RERE: variants seen among roughly 807,000 people sequenced by gnomAD.
The protein encoded by RERE is arginine-glutamic acid dipeptide repeats, also known as arginine-glutamic acid dipeptide repeats protein.
RERE carries 40 observed loss-of-function variants against 146.1 expected under a neutral mutation model. The ratio of observed to expected loss-of-function variants is 0.27; its 90% confidence interval spans 0.21 to 0.36. The LOEUF (loss-of-function observed/expected upper bound fraction) is 0.36. Among genes scored for constraint, RERE ranks in the 10% least tolerant of loss-of-function variants. The pLI, the probability that RERE is intolerant of heterozygous loss-of-function variation, is 1.00. For missense variants in RERE, 1,933 were observed against 2,138.7 expected, an observed-to-expected ratio of 0.90 and a Z score of 1.90; for synonymous variants, 1,003 against 866.0, an observed-to-expected ratio of 1.16 and a Z score of -2.78.
chr1:8,412,486 C>T (rs1643641509), intron 12 of RERE, among the ~76,000 whole-genome samples: 1 of 152,230 alleles, frequency 6.6e-6, no homozygotes, highest in African/African-American at 2.4e-5. Context: ...TGGCTCTCAC[C>T]TCCAGTACAC....
At chr1:8,432,617 C>T (rs1016497264) in intron 11 of RERE, among the ~76,000 whole-genome samples, 4 of 152,306 alleles carry the variant, frequency 2.6e-5, no homozygotes, top group Admixed American at 1.3e-4. Context: ...AGATCTTCCA[C>T]CAAATTGTGG....
At chr1:8,545,858 T>C (rs1645853564) in intron 6 of RERE, among the ~76,000 whole-genome samples, 2 of 149,802 alleles carry the variant, frequency 1.3e-5, no homozygotes, top group Non-Finnish European at 3.0e-5. Flanking sequence ...TAACTTTTTA[T>C]ATTTTTAGTA....
chr1:8,601,697 TGA>T (rs1231725588), intron 4 of RERE, among the ~76,000 whole-genome samples: 1 of 122,658 alleles, frequency 8.2e-6, no homozygotes, highest in Non-Finnish European at 1.6e-5. Flanking sequence ...TCCTTTGGAT[TGA>T]GATACCTTAA....
chr1:8,659,029 A>G (rs888748608), intron 1 of RERE, among the ~76,000 whole-genome samples: 24 of 152,246 alleles, frequency 1.6e-4, no homozygotes, highest in African/African-American at 5.8e-4. Flanking sequence ...ACTTCCTTCT[A>G]TGTAAGAAAC....
intron 12 of RERE, among the ~76,000 whole-genome samples, chr1:8,395,963 G>A (rs936574010): frequency 3.3e-5 from 5 of 152,148 alleles, no homozygotes; most frequent in Non-Finnish European, 7.4e-5. Flanking sequence ...GTAAGGCATA[G>A]GTGACACCAC....
At chr1:8,564,814 ATG>A (rs1375952179) in intron 4 of RERE, among the ~76,000 whole-genome samples, 14 of 100,168 alleles carry the variant, frequency 1.4e-4, no homozygotes, top group Non-Finnish European at 2.9e-4. Context: ...GTGTGTATGT[ATG>A]TGTGTGTATA....
At chr1:8,688,822 G>A (rs991548910) in intron 1 of RERE, among the ~76,000 whole-genome samples, 1 of 152,194 alleles carries the variant, frequency 6.6e-6, no homozygotes, top group Non-Finnish European at 1.5e-5. Context: ...GTAGGCTAAT[G>A]CAAGTGTTCT....
rs34435165 is a variant in RERE at position 8,797,376 on chromosome 1, T to TA, written c.-145+19783dup. Among the ~76,000 whole-genome samples, 927 of 146,726 alleles carry TA rather than the reference T, an allele frequency of 6.3e-3. 9 individuals are homozygous for TA. The highest frequency in any genetic ancestry group is 0.045 in the South Asian group (210 of 4,646). ...CTAGGTGACAGAGTAAGACTCCGCC[T>TA]AAAAAAAAAAAAAATCAGCATGAAT... On this transcript the variant is annotated intron_variant, in intron 1 of 22. Coordinates refer to ENST00000400908, the MANE Select transcript of RERE (RefSeq NM_001042681.2).
chr1:8,746,767 C>T (rs1640428657), intron 1 of RERE, among the ~76,000 whole-genome samples: 1 of 143,198 alleles, frequency 7.0e-6, no homozygotes, highest in Non-Finnish European at 1.5e-5. Context: ...GCAAGAAGGC[C>T]TGTGTGGCTG....
intron 6 of RERE, among the ~76,000 whole-genome samples, chr1:8,544,869 AG>A (rs1645839589): frequency 6.6e-6 from 1 of 152,242 alleles, no homozygotes; most frequent in Non-Finnish European, 1.5e-5. Context: ...GCAGAGCTGA[AG>A]AAAGGGTTTC....
intron 10 of RERE, among the ~76,000 whole-genome samples, chr1:8,487,365 G>T (rs1162968814): frequency 6.6e-6 from 1 of 152,014 alleles, no homozygotes; most frequent in South Asian, 2.1e-4. Context: ...GATCACTTGG[G>T]CCCAGGAGTT....
At chr1:8,362,289 T>C (rs1230282717) in intron 16 of RERE, among the ~76,000 whole-genome samples, 1 of 152,200 alleles carries the variant, frequency 6.6e-6, no homozygotes, top group Non-Finnish European at 1.5e-5. Context: ...ATGTGACTGG[T>C]CACATGCAAA....
chr1:8,533,496 G>T (rs1645684873), intron 7 of RERE, among the ~76,000 whole-genome samples: 1 of 151,950 alleles, frequency 6.6e-6, no homozygotes, highest in African/African-American at 2.4e-5. Context: ...CTTGGATGAG[G>T]GTGTCTCCCA....
intron 11 of RERE, among the ~76,000 whole-genome samples, chr1:8,462,954 A>C (rs903111096): frequency 1.3e-5 from 2 of 152,116 alleles, no homozygotes; most frequent in South Asian, 2.1e-4. Context: ...AAAAAGGGGG[A>C]GGTAGGCCCA....
chr1:8,534,205 C>T (rs1645693909), intron 7 of RERE, among the ~76,000 whole-genome samples: 1 of 152,148 alleles, frequency 6.6e-6, no homozygotes, highest in Non-Finnish European at 1.5e-5. Flanking sequence ...AGATTGTTAA[C>T]TTTTCCACTT....
chr1:8,607,581 T>C, intron 4 of RERE, among the ~76,000 whole-genome samples: 1 of 130,490 alleles, frequency 7.7e-6, no homozygotes, highest in African/African-American at 2.8e-5. Context: ...AGTCTCGCTC[T>C]GTCGTCGAGG....
At chr1:8,433,279 T>C (rs2124484170) in intron 11 of RERE, among the ~76,000 whole-genome samples, 1 of 152,336 alleles carries the variant, frequency 6.6e-6, no homozygotes, top group Non-Finnish European at 1.5e-5. Context: ...CAGGGTAGCC[T>C]CTTGGTCCTA....
intron 1 of RERE, among the ~76,000 whole-genome samples, chr1:8,748,308 G>A (rs1034857144): frequency 1.3e-5 from 2 of 152,122 alleles, no homozygotes; most frequent in Admixed American, 6.6e-5. Context: ...AGTCAGAAAC[G>A]TGGGAATTAT....
intron 4 of RERE, among the ~76,000 whole-genome samples, chr1:8,609,674 G>A (rs904873081): frequency 3.3e-5 from 5 of 152,132 alleles, no homozygotes; most frequent in Non-Finnish European, 7.4e-5. Context: ...TTCTTTCTAA[G>A]CAACAAGTAG....
Sources: allele counts gnomAD v4.1 joint callset (sites outside exome capture counted in the v4.1 genomes callset), GRCh38; gene constraint gnomAD v4.1.1; transcripts MANE v1.5; gene names NCBI Gene and HGNC (gene_info 2026-07-23, HGNC 2026-07-21).